The following FMN1 variants were observed in gnomAD, a reference collection of about 807,000 sequenced individuals.
FMN1 encodes the protein formin 1, also known as formin-1.
FMN1 carries 110 observed loss-of-function variants against 132.4 expected under a neutral mutation model. The ratio of observed to expected loss-of-function variants is 0.83; its 90% CI spans 0.71 to 0.97. FMN1 has a LOEUF of 0.97. FMN1 is among the 50% of genes least tolerant of loss of function. The pLI is 0.00. For synonymous variants in FMN1, 722 were observed against 651.7 expected (o/e 1.11, Z -1.64); for missense variants, 1,792 against 1,705.3 (o/e 1.05, Z -0.90).
intron 15 of FMN1, among the ~76,000 whole-genome samples, chr15:32,891,270 C>T (rs1232620590): frequency 3.9e-5 from 6 of 152,136 alleles, no homozygotes; most frequent in Admixed American, 6.5e-5. Flanking sequence ...TTTCTTGAGA[C>T]GGAGTCTCGC....
chr15:33,056,456 C>G (rs2037220302), intron 6 of FMN1, among the ~76,000 whole-genome samples: 1 of 152,152 alleles, frequency 6.6e-6, no homozygotes, highest in South Asian at 2.1e-4. Flanking sequence ...GGTACAGAAA[C>G]AGCCAGATTG....
chr15:32,912,111 A>T (rs2060575878), intron 10 of FMN1, among the ~76,000 whole-genome samples: 1 of 152,230 alleles, frequency 6.6e-6, no homozygotes, highest in Non-Finnish European at 1.5e-5. Flanking sequence ...ATGTTAACTA[A>T]TCATGCATCC....
Position 33,154,540 on chromosome 15 carries a change from GC to G in FMN1, c.374del (p.Ser125ThrfsTer66). The G allele has an allele frequency of 6.5e-7, 1 of 1,536,102 alleles. No homozygotes were observed. Among genetic ancestry groups the G allele is most frequent in the Non-Finnish European group, 8.7e-7 (1 of 1,146,904 alleles). ...GGAAACAGTCATCCTCGGGGGCCAG[GC>G]TCACGGACAGCTCTTGCAGCTTCCC... is the stretch of plus-strand genomic sequence containing the variant. ...QEGKLQELSV[S>X]LAPEDDCFQS... On this transcript the variant is annotated frameshift_variant, in exon 4 of 21. Transcript: ENST00000616417. LOFTEE classifies it high-confidence loss of function.
At position 33,066,757 on chromosome 15, in the gene FMN1, G is replaced by A. The variant is rs73378526; in HGVS notation, c.2044-1683C>T. ...CTCCAGGGCCGCTCTGGCTCTCTTG[G>A]TCAGCATTGCAGCCCATCTCTTCTC... On this transcript the variant is annotated intron_variant, in intron 5 of 20. Coordinates refer to ENST00000616417, the MANE Select transcript of FMN1 (RefSeq NM_001277313.2). 729 of 1,613,934 alleles carry A rather than the reference G, an allele frequency of 4.5e-4. 2 individuals are homozygous for A. In the African/African-American group the frequency reaches 8.2e-3, roughly 18 times the overall value.
chr15:32,900,046 C>T lies in FMN1; in HGVS notation c.3587G>A (p.Arg1196Lys). Reference sequence around the variant, plus strand: ...ATATCCATCGGCTTGTCCCCGAGTCCTATTTCCTCCATTCATATAATTTCC... The same window carrying T: ...ATATCCATCGGCTTGTCCCCGAGTCTTATTTCCTCCATTCATATAATTTCC... ...AFGNYMNGGN[R>K]TRGQADGYSL... The change falls in exon 14 of 21, where the codon AGG becomes AAG. Residue 1196 changes from arginine (R) to lysine (K), a missense_variant. This residue lies in a region of FMN1 where 1,150 missense variants were observed against 1,043.1 expected (regional missense o/e 1.10). Coordinates refer to ENST00000616417, the MANE Select transcript of FMN1 (RefSeq NM_001277313.2). 1 of 1,613,878 alleles carries T rather than the reference C, an allele frequency of 6.2e-7. No homozygotes were observed. The highest frequency in any genetic ancestry group is 8.5e-7 in the Non-Finnish European group (1 of 1,179,836).
chr15:32,871,306 C>T (rs1462974063), intron 16 of FMN1, among the ~76,000 whole-genome samples: 10 of 152,174 alleles, frequency 6.6e-5, no homozygotes, highest in Admixed American at 2.6e-4. Flanking sequence ...GTCTGGGCCT[C>T]GGTATCGCGC....
intron 7 of FMN1, among the ~76,000 whole-genome samples, chr15:32,992,818 AT>A (rs2140864474): frequency 6.6e-6 from 1 of 152,348 alleles, no homozygotes; most frequent in East Asian, 1.9e-4. Flanking sequence ...ATAGTGGGTC[AT>A]AAAAATCGTT....
At chr15:32,923,867 G>A (rs1443662496) in intron 10 of FMN1, among the ~76,000 whole-genome samples, 1 of 152,148 alleles carries the variant, frequency 6.6e-6, no homozygotes, top group Non-Finnish European at 1.5e-5. Flanking sequence ...AGGTTATATG[G>A]ACATTGTGAA....
chr15:33,155,114 T>C (rs1220448476), intron 3 of FMN1, 69 bp from the exon 4 acceptor site: 3 of 542,380 alleles, frequency 5.5e-6, no homozygotes, highest in African/African-American at 3.8e-5. Context: ...CAACATAAAA[T>C]CAAAGCATAA....
intron 4 of FMN1, among the ~76,000 whole-genome samples, chr15:33,146,975 C>T (rs551218167): frequency 6.6e-6 from 1 of 152,122 alleles, no homozygotes; most frequent in African/African-American, 2.4e-5. Context: ...GAGTTCAAGA[C>T]GAGCCTGGCC....
intron 4 of FMN1, among the ~76,000 whole-genome samples, chr15:33,128,420 TTC>T (rs1566941830): frequency 6.6e-6 from 1 of 152,186 alleles, no homozygotes; most frequent in Non-Finnish European, 1.5e-5. Flanking sequence ...AACAAAATCA[TTC>T]TTTCTACCTC....
chr15:32,794,576 AT>A (rs1378885510), intron 19 of FMN1, among the ~76,000 whole-genome samples: 3 of 143,844 alleles, frequency 2.1e-5, no homozygotes, highest in African/African-American at 5.0e-5. Flanking sequence ...GCCAAAAAAA[AT>A]AAAAAATAAA....
chr15:32,858,880 TG>T (rs141566578), intron 16 of FMN1, among the ~76,000 whole-genome samples: 1 of 152,228 alleles, frequency 6.6e-6, no homozygotes, highest in African/African-American at 2.4e-5. Context: ...TTGAAATAGA[TG>T]GATCTGTGGC....
chr15:33,136,545 C>A lies in FMN1; in HGVS notation c.1867+16503G>T, dbSNP rs150034428. Reference sequence around the variant, plus strand: ...TAAGCAAGTGGTTTTTTTTGATGAACCATGTTTTAGTTATTTCCTCCTAAA... The same window carrying A: ...TAAGCAAGTGGTTTTTTTTGATGAAACATGTTTTAGTTATTTCCTCCTAAA... On this transcript the variant is annotated intron_variant, in intron 4 of 20. Coordinates refer to ENST00000616417, the MANE Select transcript of FMN1 (RefSeq NM_001277313.2). 3.0e-3 allele frequency among the ~76,000 whole-genome samples: 458 copies of A among 152,074 alleles called. 6 individuals carry two copies. Among genetic ancestry groups the A allele is most frequent in the Admixed American group, 0.027 (412 of 15,278 alleles).
chr15:33,145,615 A>G (rs193197346), intron 4 of FMN1, among the ~76,000 whole-genome samples: 2 of 151,288 alleles, frequency 1.3e-5, no homozygotes, highest in Admixed American at 6.6e-5. Flanking sequence ...GGTAGCCGCT[A>G]CCCTCGGATG....
intron 7 of FMN1, among the ~76,000 whole-genome samples, chr15:32,977,041 C>T (rs1227705140): frequency 1.3e-5 from 2 of 152,182 alleles, no homozygotes; most frequent in Non-Finnish European, 2.9e-5. Flanking sequence ...CTCTTTCTGC[C>T]TTAATATTTT....
At position 32,929,653 on chromosome 15, in the gene FMN1, G is replaced by A. The variant is rs189108601; in HGVS notation, c.3139-3392C>T. On this transcript the variant is annotated intron_variant, in intron 9 of 20. Transcript: ENST00000616417. ...CCATTCCTTTGAGTTTGACCACCACGGATACCTCATATAAGTGGAATCATG... is the reference window on the plus strand; with the variant it reads ...CCATTCCTTTGAGTTTGACCACCACAGATACCTCATATAAGTGGAATCATG... 3.3e-5 allele frequency among the ~76,000 whole-genome samples: 5 copies of A among 152,148 alleles called. No homozygotes were observed. The East Asian group carries it at 5.8e-4, about 18-fold the overall frequency.
chr15:33,050,873 T>G (rs1378442779), intron 6 of FMN1, among the ~76,000 whole-genome samples: 1 of 152,220 alleles, frequency 6.6e-6, no homozygotes, highest in African/African-American at 2.4e-5. Context: ...ATGCAGCCAT[T>G]AAAATAATGA....
chr15:32,900,000 T>A lies in FMN1; in HGVS notation c.3633A>T (p.Lys1211Asn), dbSNP rs1324102015. 6.2e-7 allele frequency: 1 copy of A among 1,613,736 alleles called. No individual in the cohort carries two copies. Among genetic ancestry groups the A allele is most frequent in the Non-Finnish European group, 8.5e-7 (1 of 1,179,838 alleles). The change falls in exon 14 of 21, where the codon AAA (lysine) becomes AAT (asparagine). Residue 1211 changes from lysine (K) to asparagine (N), a missense_variant. By Grantham distance (94) the Lys-to-Asn change is moderately conservative. Transcript: ENST00000616417. Reference protein sequence around the residue: ...ADGYSLEILPKLKDVKSRDNG... With the variant: ...ADGYSLEILPNLKDVKSRDNG... ...ATACCCGACTTTTGACATCCTTGAGTTTGGGCAGAATTTCTAAGCTATATC... is the reference window on the plus strand; with the variant it reads ...ATACCCGACTTTTGACATCCTTGAGATTGGGCAGAATTTCTAAGCTATATC...
Sources: allele counts gnomAD v4.1 joint callset (sites outside exome capture counted in the v4.1 genomes callset), GRCh38; gene constraint gnomAD v4.1.1; regional missense constraint gnomAD v4.1.1; transcripts MANE v1.5; gene names NCBI Gene and HGNC (gene_info 2026-07-23, HGNC 2026-07-21).